The following AP1M1 variants were observed in gnomAD, a reference collection of about 807,000 sequenced individuals.
AP1M1 encodes the protein adaptor related protein complex 1 subunit mu 1, also known as AP-1 complex subunit mu-1.
Under a neutral mutation model 57.1 loss-of-function variants are expected in AP1M1, and 18 were observed. The observed-to-expected ratio is 0.32, with a 90% confidence interval of 0.22 to 0.47. AP1M1 has a LOEUF of 0.47. AP1M1 is among the 20% of genes least tolerant of loss of function. AP1M1 has a pLI of 1.00. For missense variants in AP1M1, 362 were observed against 593.5 expected (o/e 0.61, Z 4.05); for synonymous variants, 241 against 237.9 (o/e 1.01, Z -0.12).
At position 16,241,811 on chromosome 19, in the gene AP1M1, A is replaced by G. The variant is rs1454198248; in HGVS notation, c.*7376A>G. ...GGAGTTCGAGATCAGCCTGACTAAC[A>G]TGAGAAACCCCGTCTCTACTAAAAA... On this transcript the variant is annotated 3_prime_UTR_variant, in exon 12 of 12. Coordinates refer to ENST00000291439, the MANE Select transcript of AP1M1 (RefSeq NM_032493.4). 6.6e-6 allele frequency: 1 copy of G among 151,854 alleles called. No homozygotes were observed. Among genetic ancestry groups the G allele is most frequent in the African/African-American group, 2.4e-5 (1 of 41,294 alleles). The allele number at this position is 151,854 out of a possible 1,614,324, so 9.4% of individuals were successfully genotyped here. A position where few individuals can be genotyped will look rare whatever the true frequency, so the allele number is the denominator to read the frequency against.
In AP1M1 at chr19:16,206,216, C is replaced by A; in HGVS notation, c.200-125C>A. 1.0e-6 allele frequency: 1 copy of A among 956,754 alleles called. No individual in the cohort carries two copies. Among genetic ancestry groups the A allele is most frequent in the Non-Finnish European group, 1.6e-6 (1 of 621,052 alleles). The allele number at this position is 956,754 out of a possible 1,614,324, so 59.3% of individuals were successfully genotyped here. On this transcript the variant is annotated intron_variant, in intron 2 of 11. Coordinates refer to ENST00000291439, the MANE Select transcript of AP1M1 (RefSeq NM_032493.4). The surrounding 1 kb of genome is among the most constrained non-coding windows in gnomAD (Gnocchi z 4.3). Reference sequence around the variant, plus strand: ...TGTAGCCCACCATGGGCCAAGTAAACGGCTGGGAGTGGGGATAGGGAAGGC... The same window carrying A: ...TGTAGCCCACCATGGGCCAAGTAAAAGGCTGGGAGTGGGGATAGGGAAGGC...
rs1211789576 is a variant in AP1M1 at position 16,245,209 on chromosome 19, G to C, written c.*10774G>C. ...CTGCGCCCAGCCAAATCTGCATTTTGATAAGTATGCATTTTACTATCTAAG... is the reference window on the plus strand; with the variant it reads ...CTGCGCCCAGCCAAATCTGCATTTTCATAAGTATGCATTTTACTATCTAAG... On this transcript the variant is annotated 3_prime_UTR_variant, in exon 12 of 12. Coordinates refer to ENST00000291439, the MANE Select transcript of AP1M1 (RefSeq NM_032493.4). The C allele has an allele frequency of 2.6e-5, 4 of 151,986 alleles. No homozygotes were observed. Among genetic ancestry groups the C allele is most frequent in the Non-Finnish European group, 5.9e-5 (4 of 68,010 alleles). The allele number at this position is 151,986 out of a possible 1,614,324, so 9.4% of individuals were successfully genotyped here.
intron 9 of AP1M1, among the ~76,000 whole-genome samples, chr19:16,230,053 A>G (rs907960598): frequency 1.3e-5 from 2 of 152,204 alleles, no homozygotes; most frequent in Non-Finnish European, 1.5e-5. Flanking sequence ...AGAATACTTC[A>G]TCAAATAAAC....
intron 5 of AP1M1, among the ~76,000 whole-genome samples, chr19:16,221,711 C>G (rs1268096559): frequency 6.6e-6 from 1 of 152,176 alleles, no homozygotes; most frequent in Non-Finnish European, 1.5e-5. Flanking sequence ...ATAGAATGTA[C>G]ATTATTTCTA....
Position 16,206,541 on chromosome 19 carries a change from A to T in AP1M1, c.267+133A>T. 3 of 926,926 alleles carry T rather than the reference A, an allele frequency of 3.2e-6. No homozygotes were observed. Among genetic ancestry groups the T allele is most frequent in the African/African-American group, 1.6e-5 (1 of 60,648 alleles). 57.4% of individuals were successfully genotyped at this position (926,926 alleles called of 1,614,324 possible). ...GAGCACTGGGGCTGGAAGCCCAGGA[A>T]GTGGGAAAGGGGAGTCCCAACTCCC... On this transcript the variant is annotated intron_variant, in intron 3 of 11. Transcript: ENST00000291439. This position sits in a 1 kb window ranked among gnomAD's most constrained non-coding sequence, Gnocchi z 4.3.
At chr19:16,218,642 T>C (rs550714959) in intron 5 of AP1M1, among the ~76,000 whole-genome samples, 32 of 152,302 alleles carry the variant, frequency 2.1e-4, no homozygotes, top group African/African-American at 7.5e-4. Flanking sequence ...TCCCTGTCTC[T>C]TAGTGGGAGA....
chr19:16,219,064 G>GTT (rs35202979), intron 5 of AP1M1, among the ~76,000 whole-genome samples: 3,834 of 142,910 alleles, frequency 0.027, 102 homozygotes, highest in African/African-American at 0.068. Flanking sequence ...TTTGCTAACA[G>GTT]TTTTTTTTTT....
At position 16,207,897 on chromosome 19, in the gene AP1M1, TG is replaced by T; in HGVS notation, c.268-119del. The stretch of plus-strand genomic sequence containing the variant: ...GGGCCCTGTAGCACACCACCGAGCC[TG>T]GGAAGTAGGCTGTTGGTAGGACTTA... On this transcript the variant is annotated intron_variant, in intron 3 of 11. Transcript: ENST00000291439. This position sits in a 1 kb window ranked among gnomAD's most constrained non-coding sequence, Gnocchi z 4.2. 1 of 1,318,374 alleles carries T rather than the reference TG, an allele frequency of 7.6e-7. No homozygotes were observed. Among genetic ancestry groups the T allele is most frequent in the Non-Finnish European group, 1.0e-6 (1 of 959,080 alleles). 81.7% of individuals were successfully genotyped at this position (1,318,374 alleles called of 1,614,324 possible). A position where few individuals can be genotyped will look rare whatever the true frequency, so the allele number is the denominator to read the frequency against.
intron 2 of AP1M1, among the ~76,000 whole-genome samples, chr19:16,204,022 G>T (rs1177056186): frequency 6.6e-6 from 1 of 152,170 alleles, no homozygotes; most frequent in Non-Finnish European, 1.5e-5. Context: ...GGCTGGAGTG[G>T]TCAGCGGGGT....
At position 16,243,489 on chromosome 19, in the gene AP1M1, G is replaced by A. The variant is rs2091652605; in HGVS notation, c.*9054G>A. On this transcript the variant is annotated 3_prime_UTR_variant, in exon 12 of 12. Transcript: ENST00000291439. Reference sequence around the variant, plus strand: ...AGATGGAGTTTTGCCATGTTGCCCAGGCTGGTCTTGCACTTGGGCTCAAGT... The same window carrying A: ...AGATGGAGTTTTGCCATGTTGCCCAAGCTGGTCTTGCACTTGGGCTCAAGT... The A allele has an allele frequency of 7.0e-6, 1 of 143,324 alleles. No individual in the cohort carries two copies. The highest frequency in any genetic ancestry group is 2.5e-5 in the African/African-American group (1 of 39,774). 8.9% of individuals were successfully genotyped at this position (143,324 alleles called of 1,614,324 possible).
intron 5 of AP1M1, among the ~76,000 whole-genome samples, chr19:16,217,470 G>A (rs1341156916): frequency 6.6e-6 from 1 of 152,166 alleles, no homozygotes; most frequent in Non-Finnish European, 1.5e-5. Context: ...CTGCACAGGG[G>A]AGGCTGCAGT....
chr19:16,224,349 C>T (rs12104139), intron 5 of AP1M1, among the ~76,000 whole-genome samples: 15,105 of 152,244 alleles, frequency 0.099, 956 homozygotes, highest in East Asian at 0.33. Context: ...CGCCACAGTG[C>T]GCTGCTGCAT....
chr19:16,233,414 C>T, intron 9 of AP1M1, 79 bp from the exon 10 acceptor site: 2 of 1,455,542 alleles, frequency 1.4e-6, no homozygotes, highest in South Asian at 2.8e-5. Flanking sequence ...CAGTCTCTGC[C>T]CATCGCCACT....
intron 9 of AP1M1, among the ~76,000 whole-genome samples, chr19:16,230,689 G>A (rs1261460976): frequency 1.3e-5 from 2 of 152,072 alleles, no homozygotes; most frequent in African/African-American, 4.8e-5. Flanking sequence ...GTGGGCCACC[G>A]TGCCCGGCTG....
intron 6 of AP1M1, among the ~76,000 whole-genome samples, chr19:16,226,935 C>G (rs981165374): frequency 6.6e-6 from 1 of 152,182 alleles, no homozygotes; most frequent in African/African-American, 2.4e-5. Flanking sequence ...TTCTCGCTCC[C>G]GCCGCCTGGC....
intron 5 of AP1M1, among the ~76,000 whole-genome samples, chr19:16,215,392 C>T (rs180804672): frequency 0.021 from 2,670 of 125,192 alleles, 67 homozygotes; most frequent in African/African-American, 0.07. Context: ...ACCTGGGAGG[C>T]GGAGGTTGCA....
rs2091580178 is a variant in AP1M1 at position 16,228,309 on chromosome 19, C to T, written c.888+101C>T. Reference sequence around the variant, plus strand: ...GGGTGCCGTAGGGCTGCCATCCGTGCACCCTCACTGTGGCCTCAGATGCAG... The same window carrying T: ...GGGTGCCGTAGGGCTGCCATCCGTGTACCCTCACTGTGGCCTCAGATGCAG... On this transcript the variant is annotated intron_variant, in intron 8 of 11. Coordinates refer to ENST00000291439, the MANE Select transcript of AP1M1 (RefSeq NM_032493.4). The surrounding 1 kb of genome is among the most constrained non-coding windows in gnomAD (Gnocchi z 5.0). The T allele has an allele frequency of 4.1e-6, 5 of 1,213,582 alleles. No individual in the cohort carries two copies. The East Asian group carries it at 1.0e-4, about 24-fold the overall frequency. The allele number at this position is 1,213,582 out of a possible 1,614,324, so 75.2% of individuals were successfully genotyped here. A position where few individuals can be genotyped will look rare whatever the true frequency, so the allele number is the denominator to read the frequency against.
Position 16,242,930 on chromosome 19 carries a change from T to A in AP1M1, c.*8495T>A, listed in dbSNP as rs2091650480. 6.6e-6 allele frequency: 1 copy of A among 152,106 alleles called. No homozygotes were observed. The highest frequency in any genetic ancestry group is 2.4e-5 in the African/African-American group (1 of 41,418). 9.4% of individuals were successfully genotyped at this position (152,106 alleles called of 1,614,324 possible). A position where few individuals can be genotyped will look rare whatever the true frequency, so the allele number is the denominator to read the frequency against. ...CACCATGCTTGGCTAAATTTTTTTATTTTTGTATTTTTTTTATTTTTAGTA... is the reference window on the plus strand; with the variant it reads ...CACCATGCTTGGCTAAATTTTTTTAATTTTGTATTTTTTTTATTTTTAGTA... On this transcript the variant is annotated 3_prime_UTR_variant, in exon 12 of 12. Transcript: ENST00000291439.
intron 1 of AP1M1, among the ~76,000 whole-genome samples, chr19:16,200,702 C>G (rs2091443329): frequency 6.6e-6 from 1 of 152,218 alleles, no homozygotes; most frequent in South Asian, 2.1e-4. Flanking sequence ...AGGAAGCTGT[C>G]CTAGTAGGAA....
Sources: allele counts gnomAD v4.1 joint callset (sites outside exome capture counted in the v4.1 genomes callset), GRCh38; gene constraint gnomAD v4.1.1; non-coding constraint Gnocchi (gnomAD v3.1); transcripts MANE v1.5; gene names NCBI Gene and HGNC (gene_info 2026-07-23, HGNC 2026-07-21).